The following SIMC1 variants were observed in gnomAD, a reference collection of about 807,000 sequenced individuals.
SIMC1 encodes the protein SUMO-interacting motif-containing protein 1.
Under a neutral mutation model 82.3 loss-of-function variants are expected in SIMC1, and 55 were observed. That is an observed-to-expected ratio of 0.67 (90% CI 0.54 to 0.84). The LOEUF (loss-of-function observed/expected upper bound fraction) is 0.84, where lower values mean the gene tolerates loss of function less well. SIMC1 is among the 40% of genes least tolerant of loss of function. The pLI, the probability that SIMC1 is intolerant of heterozygous loss-of-function variation, is 0.00. For synonymous variants in SIMC1, 353 were observed against 426.3 expected, an observed-to-expected ratio of 0.83 and a Z score of 2.12; for missense variants, 915 against 1,107.2, an observed-to-expected ratio of 0.83 and a Z score of 2.46.
chr5:176,301,837 A>G (rs752554524), intron 4 of SIMC1, among the ~76,000 whole-genome samples: 17 of 152,012 alleles, frequency 1.1e-4, no homozygotes, highest in Non-Finnish European at 2.4e-4. Flanking sequence ...CAATATACCT[A>G]ATAAATGTTG....
chr5:176,255,264 T>C (rs1021208893), intron 1 of SIMC1, among the ~76,000 whole-genome samples: 1 of 149,040 alleles, frequency 6.7e-6, no homozygotes, highest in Non-Finnish European at 1.5e-5. Context: ...GAACCAATAA[T>C]GTTTCAAATA....
At chr5:176,311,170 G>C (rs1273147567) in intron 4 of SIMC1, among the ~76,000 whole-genome samples, 2 of 152,144 alleles carry the variant, frequency 1.3e-5, no homozygotes, top group Non-Finnish European at 2.9e-5. Flanking sequence ...AACTCAGTAG[G>C]TTTACTACAA....
chr5:176,283,041 C>T (rs187895941), intron 1 of SIMC1, among the ~76,000 whole-genome samples: 6 of 152,328 alleles, frequency 3.9e-5, no homozygotes, highest in South Asian at 2.1e-4. Flanking sequence ...ACCAAATCTG[C>T]GTCTCATTGG....
intron 1 of SIMC1, among the ~76,000 whole-genome samples, chr5:176,285,278 G>A (rs1434038820): frequency 6.6e-6 from 1 of 152,114 alleles, no homozygotes; most frequent in Non-Finnish European, 1.5e-5. Context: ...ACATCAAAAA[G>A]CTTATCCACC....
At chr5:176,269,683 G>A (rs1357926975) in intron 1 of SIMC1, among the ~76,000 whole-genome samples, 3 of 152,014 alleles carry the variant, frequency 2.0e-5, no homozygotes, top group South Asian at 2.1e-4. Context: ...GTTTTACTCC[G>A]ATAACAAAAA....
rs1471629272 is a variant in SIMC1 at position 176,343,377 on chromosome 5, C to T, written c.2414-1806C>T. 3.3e-5 allele frequency among the ~76,000 whole-genome samples: 5 copies of T among 152,222 alleles called. No individual in the cohort carries two copies. In the East Asian group the frequency reaches 5.8e-4, roughly 18 times the overall value. On this transcript the variant is annotated intron_variant, in intron 9 of 9. Coordinates refer to ENST00000429602, the MANE Select transcript of SIMC1 (RefSeq NM_001308195.2). ...ACTGGAAGTCTTCAAGTCCCCAGAA[C>T]TCTCTCAATACATTTGCCTAATGTG...
intron 1 of SIMC1, among the ~76,000 whole-genome samples, chr5:176,288,423 G>GAATAAATAAATAAATAAATAAATAAATA (rs150243423): frequency 3.2e-5 from 4 of 126,738 alleles, no homozygotes; most frequent in Non-Finnish European, 6.8e-5. Flanking sequence ...ATGAATGAAT[G>GAATAAATAAATAAATAAATAAATAAATA]AATAAATAAA....
rs11418187 is a variant in SIMC1, at chr5:176,321,885, C to CTTTTTTTTTTTTTT, written c.1890-380_1890-367dup. On this transcript the variant is annotated intron_variant, in intron 5 of 9. Coordinates refer to ENST00000429602, the MANE Select transcript of SIMC1 (RefSeq NM_001308195.2). The stretch of plus-strand genomic sequence containing the variant: ...AGAAAAATGTTGATATTTTAGTTAG[C>CTTTTTTTTTTTTTT]TTTTTTTTTTTTTTTTTTTTTGTAG... 5.5e-5 allele frequency among the ~76,000 whole-genome samples: 5 copies of CTTTTTTTTTTTTTT among 90,722 alleles called. 1 individual carries two copies. The highest frequency in any genetic ancestry group is 8.8e-5 in the African/African-American group (2 of 22,792). The allele number at this position is 90,722 out of a possible 152,430, so 59.5% of individuals were successfully genotyped here.
At chr5:176,266,684 C>G (rs1203419493) in intron 1 of SIMC1, among the ~76,000 whole-genome samples, 1 of 97,970 alleles carries the variant, frequency 1.0e-5, no homozygotes, top group Non-Finnish European at 2.0e-5. Flanking sequence ...TAGAAACTGA[C>G]TCTGAGTGAG....
chr5:176,265,548 C>G (rs905680703), intron 1 of SIMC1, among the ~76,000 whole-genome samples: 1 of 152,084 alleles, frequency 6.6e-6, no homozygotes, highest in African/African-American at 2.4e-5. Flanking sequence ...CTTTGTTTTG[C>G]TCTAAAATGT....
chr5:176,274,836 C>T (rs1379430694), intron 1 of SIMC1, among the ~76,000 whole-genome samples: 3 of 148,648 alleles, frequency 2.0e-5, no homozygotes, highest in Admixed American at 1.3e-4. Context: ...CATTATTTCT[C>T]TCTCTGTTTT....
At chr5:176,295,392 A>G in intron 3 of SIMC1, 130 bp downstream of exon 3, 1 of 1,432,738 alleles carries the variant, frequency 7.0e-7, no homozygotes, top group Non-Finnish European at 9.3e-7. Flanking sequence ...TGTTATTTGA[A>G]TTGCAAATGA....
At position 176,313,703 on chromosome 5, in the gene SIMC1, C is replaced by T. The variant is rs572719647; in HGVS notation, c.1747C>T (p.Pro583Ser). The part of the protein sequence containing the change: ...YVMEEEGQTL[P>S]GRVLFLRYVV... The stretch of plus-strand genomic sequence containing the variant: ...CTTTTTCCCACAGGGACAAACTCTG[C>T]CTGGGCGAGTCCTTTTCCTGCGTTA... The change falls in exon 5 of 10, where the codon CCT becomes TCT. Residue 583 changes from proline (P) to serine (S), a missense_variant. By Grantham distance (74) the Pro-to-Ser change is moderately conservative. Around this residue, in one of 2 missense-constraint regions of SIMC1, gnomAD observed 902 missense variants for 1,040.3 expected, o/e 0.87. Transcript: ENST00000429602. 28 of 1,613,714 alleles carry T rather than the reference C, an allele frequency of 1.7e-5. No homozygotes were observed. The highest frequency in any genetic ancestry group is 2.4e-5 in the Non-Finnish European group (28 of 1,179,824).
At chr5:176,272,172 CA>C (rs1162307977) in intron 1 of SIMC1, among the ~76,000 whole-genome samples, 364 of 19,954 alleles carry the variant, frequency 0.018, no homozygotes, top group African/African-American at 0.048. Context: ...CCCATCTCTA[CA>C]AAAAAAAAAA....
At chr5:176,267,738 T>G (rs1762254949) in intron 1 of SIMC1, among the ~76,000 whole-genome samples, 2 of 86,972 alleles carry the variant, frequency 2.3e-5, no homozygotes, top group African/African-American at 5.0e-5. Flanking sequence ...TTTCTGTTTT[T>G]TTTTTTTTTT....
At chr5:176,252,825 G>A (rs1216972858) in intron 1 of SIMC1, among the ~76,000 whole-genome samples, 5 of 152,194 alleles carry the variant, frequency 3.3e-5, no homozygotes, top group Admixed American at 2.0e-4. Context: ...CTGAGATCAT[G>A]CCACTGCACT....
chr5:176,306,989 C>T (rs1764451460), intron 4 of SIMC1, among the ~76,000 whole-genome samples: 1 of 151,844 alleles, frequency 6.6e-6, no homozygotes, highest in Admixed American at 6.6e-5. Context: ...TAAAAATGGG[C>T]AGAGGACTTA....
At chr5:176,295,407 A>G in intron 3 of SIMC1, 145 bp downstream of exon 3, 1 of 1,394,964 alleles carries the variant, frequency 7.2e-7, no homozygotes, top group Non-Finnish European at 9.5e-7. Context: ...AAATGATAGG[A>G]AACCCAGTCC....
chr5:176,325,685 CAAAA>C (rs1484004821), intron 7 of SIMC1, among the ~76,000 whole-genome samples: 3 of 151,722 alleles, frequency 2.0e-5, no homozygotes, highest in African/African-American at 7.3e-5. Context: ...GACTCCGTCT[CAAAA>C]AATAAATAAT....
Sources: allele counts gnomAD v4.1 joint callset (sites outside exome capture counted in the v4.1 genomes callset), GRCh38; gene constraint gnomAD v4.1.1; regional missense constraint gnomAD v4.1.1; transcripts MANE v1.5; gene names NCBI Gene and HGNC (gene_info 2026-07-23, HGNC 2026-07-21).